WBP1L: variants seen among roughly 807,000 people sequenced by gnomAD.
WBP1L encodes WW domain binding protein 1-like.
Under a neutral mutation model 33.7 loss-of-function variants are expected in WBP1L, and 17 were observed. That is an observed-to-expected ratio of 0.50 (90% confidence interval 0.34 to 0.76). WBP1L has a LOEUF of 0.76. Among genes scored for constraint, WBP1L ranks in the 30% least tolerant of loss-of-function variants. The probability of loss-of-function intolerance (pLI) is 0.01; values close to 1 mark genes in which losing one functional copy is unlikely to be tolerated. For synonymous variants in WBP1L, 173 were observed against 190.8 expected (o/e 0.91, Z 0.77); for missense variants, 389 against 469.4 (o/e 0.83, Z 1.58).
At chr10:102,795,149 G>C (rs1417113885) in intron 1 of WBP1L, among the ~76,000 whole-genome samples, 1 of 152,190 alleles carries the variant, frequency 6.6e-6, no homozygotes, top group Non-Finnish European at 1.5e-5. Context: ...ACAGTATTAA[G>C]TAGATGACAT....
At chr10:102,774,399 C>A (rs914259234) in intron 1 of WBP1L, among the ~76,000 whole-genome samples, 10 of 152,142 alleles carry the variant, frequency 6.6e-5, no homozygotes, top group Non-Finnish European at 1.5e-4. Flanking sequence ...GGAGCCACTT[C>A]TTTTACACAT....
chr10:102,759,095 C>T (rs1843009710), intron 1 of WBP1L, among the ~76,000 whole-genome samples: 1 of 152,168 alleles, frequency 6.6e-6, no homozygotes, highest in African/African-American at 2.4e-5. Flanking sequence ...TGGATAATAT[C>T]CAGCCTTCCA....
At chr10:102,805,446 T>TC (rs981445244) in intron 2 of WBP1L, among the ~76,000 whole-genome samples, 3 of 152,024 alleles carry the variant, frequency 2.0e-5, no homozygotes, top group African/African-American at 7.2e-5. Context: ...GGCTATCTTT[T>TC]TTTTTTTTAG....
rs1016980923 is a variant in WBP1L, at chr10:102,814,199, C to T, written c.*868C>T. 1 of 152,236 alleles carries T rather than the reference C, an allele frequency of 6.6e-6. No homozygotes were observed. Among genetic ancestry groups the T allele is most frequent in the African/African-American group, 2.4e-5 (1 of 41,446 alleles). 9.4% of individuals were successfully genotyped at this position (152,236 alleles called of 1,614,324 possible). A position where few individuals can be genotyped will look rare whatever the true frequency, so the allele number is the denominator to read the frequency against. On this transcript the variant is annotated 3_prime_UTR_variant, in exon 4 of 4. Transcript: ENST00000448841. The stretch of plus-strand genomic sequence containing the variant: ...CCTGCTGTTGAGCCAGAAGATGTCT[C>T]GTGTGAAGGCTGGGGTGGCGGCTGT...
chr10:102,800,857 C>G (rs1394964186), intron 2 of WBP1L, among the ~76,000 whole-genome samples: 2 of 152,178 alleles, frequency 1.3e-5, no homozygotes, highest in African/African-American at 4.8e-5. Flanking sequence ...GGCTGATTTC[C>G]TTCCCACCTT....
chr10:102,803,062 A>G (rs1843680835), intron 2 of WBP1L, among the ~76,000 whole-genome samples: 1 of 152,204 alleles, frequency 6.6e-6, no homozygotes, highest in South Asian at 2.1e-4. Context: ...CAAAGCTAGA[A>G]TATGTGTTTT....
chr10:102,761,977 A>T (rs1489204794), intron 1 of WBP1L, among the ~76,000 whole-genome samples: 39 of 152,166 alleles, frequency 2.6e-4, no homozygotes, highest in Admixed American at 2.6e-3. Flanking sequence ...CCTCTCCAGT[A>T]GCTGGGACTG....
At position 102,810,073 on chromosome 10, in the gene WBP1L, C is replaced by G; in HGVS notation, c.355+19C>G. 1 of 1,593,072 alleles carries G rather than the reference C, an allele frequency of 6.3e-7. No homozygotes were observed. The highest frequency in any genetic ancestry group is 1.1e-5 in the South Asian group (1 of 88,068). On this transcript the variant is annotated intron_variant, in intron 3 of 3. Coordinates refer to ENST00000448841, the MANE Select transcript of WBP1L (RefSeq NM_001083913.2). ...TATTTCAGTACGTACACCCAAGCCC[C>G]CATACCCACCCTCAGGAGCTCAGGT...
intron 2 of WBP1L, among the ~76,000 whole-genome samples, chr10:102,803,333 TC>T (rs1448418886): frequency 1.3e-5 from 2 of 152,202 alleles, no homozygotes; most frequent in Non-Finnish European, 2.9e-5. Flanking sequence ...ATGGGGAATT[TC>T]CTGCCAGTTG....
intron 1 of WBP1L, among the ~76,000 whole-genome samples, chr10:102,784,824 G>A (rs893886675): frequency 6.6e-6 from 1 of 151,574 alleles, no homozygotes; most frequent in Non-Finnish European, 1.5e-5. Flanking sequence ...GCCTCCCAAA[G>A]TGCTGGGATT....
Sources: gnomAD v4.1 joint callset for allele counts (sites outside exome capture counted in the v4.1 genomes callset) on GRCh38, gnomAD v4.1.1 for gene constraint, MANE v1.5 for transcripts, NCBI Gene and HGNC (gene_info 2026-07-23, HGNC 2026-07-21) for gene names.